Variants in ELAVL1 observed in about 807,000 individuals in gnomAD.
The protein encoded by ELAVL1 is ELAV-like protein 1.
ELAVL1 carries 1 observed loss-of-function variant against 28.4 expected under a neutral mutation model. The observed-to-expected ratio is 0.04, with a 90% CI of 0.01 to 0.17. ELAVL1 has a LOEUF of 0.17. ELAVL1 is among the 10% of genes least tolerant of loss of function. The pLI is 1.00. For synonymous variants in ELAVL1, 174 were observed against 183.5 expected, an observed-to-expected ratio of 0.95 and a Z score of 0.42; for missense variants, 157 against 447.2, an observed-to-expected ratio of 0.35 and a Z score of 5.85.
intron 4 of ELAVL1, among the ~76,000 whole-genome samples, chr19:7,971,820 G>A (rs1055304251): frequency 6.6e-6 from 1 of 152,228 alleles, no homozygotes; most frequent in Non-Finnish European, 1.5e-5. Context: ...CATGCCAGGT[G>A]GGGTTCCTAC....
intron 4 of ELAVL1, among the ~76,000 whole-genome samples, chr19:7,970,643 C>T (rs1471748524): frequency 6.6e-6 from 1 of 152,098 alleles, no homozygotes; most frequent in African/African-American, 2.4e-5. Flanking sequence ...CAGATGAATA[C>T]ACTATAAAGT....
At chr19:7,965,355 C>T (rs992916157) in intron 5 of ELAVL1, among the ~76,000 whole-genome samples, 4 of 152,204 alleles carry the variant, frequency 2.6e-5, no homozygotes, top group Non-Finnish European at 5.9e-5. Context: ...GGATTACAGG[C>T]GTGAGTCAAT....
rs947587572 is a variant in ELAVL1 at position 8,005,500 on chromosome 19, T to TGCGG, written c.-26_-23dup. 1.0e-4 allele frequency: 15 copies of TGCGG among 146,742 alleles called. No homozygotes were observed. Among genetic ancestry groups the TGCGG allele is most frequent in the Non-Finnish European group, 1.7e-4 (11 of 65,688 alleles). 9.1% of individuals were successfully genotyped at this position (146,742 alleles called of 1,614,324 possible). On this transcript the variant is annotated 5_prime_UTR_variant, in exon 1 of 6. Coordinates refer to ENST00000407627, the MANE Select transcript of ELAVL1 (RefSeq NM_001419.3). ...AAGGCCCCCCACCGCCTCACCTGGA[T>TGCGG]GCGGGCGGGCGGGCCCGGGGCTGCT...
rs1985796073 is a variant in ELAVL1 at position 7,993,140 on chromosome 19, AT to A, written c.-16-1310del. Among the ~76,000 whole-genome samples the A allele has an allele frequency of 3.3e-5, 5 of 152,288 alleles. No homozygotes were observed. In the South Asian group the frequency reaches 8.3e-4, roughly 25 times the overall value. On this transcript the variant is annotated intron_variant, in intron 1 of 5. Coordinates refer to ENST00000407627, the MANE Select transcript of ELAVL1 (RefSeq NM_001419.3). ...TGCTACAGAACGAGTGTTCTCCACAATTTTTCTGTAAACCTAAAACTGCTCT... is the reference window on the plus strand; with the variant it reads ...TGCTACAGAACGAGTGTTCTCCACAATTTTCTGTAAACCTAAAACTGCTCT...
chr19:7,969,793 G>A (rs2145203268), intron 4 of ELAVL1, among the ~76,000 whole-genome samples: 1 of 152,210 alleles, frequency 6.6e-6, no homozygotes, highest in Non-Finnish European at 1.5e-5. Context: ...CCTCGTCTGG[G>A]GTTGTAGAGT....
chr19:7,985,118 C>A (rs1049855049), intron 2 of ELAVL1, among the ~76,000 whole-genome samples: 2 of 152,192 alleles, frequency 1.3e-5, no homozygotes, highest in Admixed American at 1.3e-4. Context: ...TGGGGTTTCG[C>A]CATGTTGCCC....
chr19:7,986,300 C>T (rs1029664529), intron 2 of ELAVL1, among the ~76,000 whole-genome samples: 3 of 152,166 alleles, frequency 2.0e-5, no homozygotes, highest in Admixed American at 2.0e-4. Context: ...GAGACAGAGA[C>T]TGGAGGTGGA....
chr19:8,002,186 G>A lies in ELAVL1; in HGVS notation c.-17+3309C>T, dbSNP rs1272704841. 80 of 1,222,764 alleles carry A rather than the reference G, an allele frequency of 6.5e-5. 4 individuals carry two copies. The South Asian group carries it at 9.7e-4, about 15-fold the overall frequency. The allele number at this position is 1,222,764 out of a possible 1,614,324, so 75.7% of individuals were successfully genotyped here. ...CACGATGTTCTCTGAACACTGCGAT[G>A]TTCCCACCTCCGGGCTTGGCTGTAT... On this transcript the variant is annotated intron_variant, in intron 1 of 5. Coordinates refer to ENST00000407627, the MANE Select transcript of ELAVL1 (RefSeq NM_001419.3).
rs750589491 is a variant in ELAVL1 at position 7,973,750 on chromosome 19, C to A, written c.405G>T (p.Ser135=). 6.2e-7 allele frequency: 1 copy of A among 1,614,044 alleles called. No individual in the cohort carries two copies. Among genetic ancestry groups the A allele is most frequent in the Admixed American group, 1.7e-5 (1 of 60,014 alleles). The change falls in exon 4 of 6, where the codon TCG becomes TCT. Residue 135 remains serine (S), a synonymous_variant. Transcript: ENST00000407627. ...MFSRFGRIIN[S]RVLVDQTTGL... ...CTGTAGTCTGATCCACGAGGACCCG[C>A]GAGTTGATGATCCGCCCAAACCGAG...
rs386388490 is a variant in ELAVL1, at chr19:7,972,800, C to CTTTTTTT, written c.430+918_430+924dup. 17 of 42,088 alleles carry CTTTTTTT rather than the reference C, an allele frequency of 4.0e-4. 4 individuals are homozygous for CTTTTTTT. Among genetic ancestry groups the CTTTTTTT allele is most frequent in the Admixed American group, 7.3e-4 (2 of 2,726 alleles). The allele number at this position is 42,088 out of a possible 1,614,324, so 2.6% of individuals were successfully genotyped here. ...CGCCACCGCACCTGGCTGCAGTATC[C>CTTTTTTT]TTTTTTTTTTTTTTTTTTTTTTTTT... On this transcript the variant is annotated intron_variant, in intron 4 of 5. Transcript: ENST00000407627.
intron 1 of ELAVL1, among the ~76,000 whole-genome samples, chr19:7,997,846 G>T (rs1286952971): frequency 6.6e-6 from 1 of 152,050 alleles, no homozygotes; most frequent in East Asian, 1.9e-4. Context: ...AGCTAATCGG[G>T]GGGCTCAGCT....
chr19:7,987,775 G>A (rs1985645787), intron 2 of ELAVL1, among the ~76,000 whole-genome samples: 1 of 152,246 alleles, frequency 6.6e-6, no homozygotes, highest in Non-Finnish European at 1.5e-5. Flanking sequence ...CCCTCCAGGA[G>A]AGATACTCAT....
intron 1 of ELAVL1, among the ~76,000 whole-genome samples, chr19:8,002,563 A>G (rs1284780859): frequency 6.6e-6 from 1 of 152,184 alleles, no homozygotes; most frequent in African/African-American, 2.4e-5. Context: ...ACTGCCACCT[A>G]GGGGCGCCAG....
At chr19:7,965,356 G>A (rs150879639) in intron 5 of ELAVL1, among the ~76,000 whole-genome samples, 9 of 152,334 alleles carry the variant, frequency 5.9e-5, no homozygotes, top group African/African-American at 1.4e-4. Flanking sequence ...GATTACAGGC[G>A]TGAGTCAATG....
chr19:7,989,216 C>T (rs1000380716), intron 2 of ELAVL1, among the ~76,000 whole-genome samples: 1 of 152,124 alleles, frequency 6.6e-6, no homozygotes, highest in Non-Finnish European at 1.5e-5. Flanking sequence ...AGAGGTTTGC[C>T]CACACTGGCG....
rs1984734367 is a variant in ELAVL1 at position 7,959,097 on chromosome 19, T to C, written c.*4386A>G. On this transcript the variant is annotated 3_prime_UTR_variant, in exon 6 of 6. Transcript: ENST00000407627. ...AAAAGGCAATGGGCTGATGGAAAAC[T>C]GATAAGGGCTTTTCTTTTTTTTTTT... 6.6e-6 allele frequency: 1 copy of C among 152,572 alleles called. No homozygotes were observed. The highest frequency in any genetic ancestry group is 1.5e-5 in the Non-Finnish European group (1 of 67,840). The allele number at this position is 152,572 out of a possible 1,614,324, so 9.5% of individuals were successfully genotyped here.
chr19:7,970,328 T>C (rs1309337576), intron 4 of ELAVL1, among the ~76,000 whole-genome samples: 2 of 152,230 alleles, frequency 1.3e-5, no homozygotes, highest in African/African-American at 4.8e-5. Context: ...GCTAAGTTTT[T>C]GTATTTTTAG....
Position 7,963,230 on chromosome 19 carries a change from C to A in ELAVL1, c.*253G>T. Reference sequence around the variant, plus strand: ...GAGGGACTGGTTAGTCAATGCAGTTCTACTTAGATTTCTGTTTAATATATA... The same window carrying A: ...GAGGGACTGGTTAGTCAATGCAGTTATACTTAGATTTCTGTTTAATATATA... On this transcript the variant is annotated 3_prime_UTR_variant, in exon 6 of 6. Transcript: ENST00000407627. This position sits in a 1 kb window ranked among gnomAD's most constrained non-coding sequence, Gnocchi z 4.5. The A allele has an allele frequency of 4.2e-6, 2 of 480,308 alleles. No homozygotes were observed. The highest frequency in any genetic ancestry group is 7.4e-6 in the Non-Finnish European group (2 of 270,708). The allele number at this position is 480,308 out of a possible 1,614,324, so 29.8% of individuals were successfully genotyped here.
At chr19:7,995,092 C>T (rs1164102790) in intron 1 of ELAVL1, among the ~76,000 whole-genome samples, 2 of 152,198 alleles carry the variant, frequency 1.3e-5, no homozygotes, top group Non-Finnish European at 2.9e-5. Context: ...GACCTATAGA[C>T]TTTAATCATG....
Sources: allele counts gnomAD v4.1 joint callset (sites outside exome capture counted in the v4.1 genomes callset), GRCh38; gene constraint gnomAD v4.1.1; non-coding constraint Gnocchi (gnomAD v3.1); transcripts MANE v1.5; gene names NCBI Gene and HGNC (gene_info 2026-07-23, HGNC 2026-07-21).